Variants in YAP1 observed in about 807,000 individuals in gnomAD.
The protein encoded by YAP1 is transcriptional coactivator YAP1.
A neutral mutation model predicts 56.9 loss-of-function variants in YAP1; 5 were observed. The ratio of observed to expected loss-of-function variants is 0.09; its 90% CI spans 0.05 to 0.18. The LOEUF (loss-of-function observed/expected upper bound fraction) is 0.18. Among genes scored for constraint, YAP1 ranks in the 10% least tolerant of loss-of-function variants. The probability of loss-of-function intolerance (pLI) is 1.00; values close to 1 mark genes in which losing one functional copy is unlikely to be tolerated. For missense variants in YAP1, 539 were observed against 651.8 expected, an observed-to-expected ratio of 0.83 and a Z score of 1.88; for synonymous variants, 265 against 248.1, an observed-to-expected ratio of 1.07 and a Z score of -0.64.
intron 4 of YAP1, among the ~76,000 whole-genome samples, chr11:102,199,227 G>A (rs910059058): frequency 4.6e-5 from 7 of 152,130 alleles, no homozygotes; most frequent in Non-Finnish European, 1.0e-4. Flanking sequence ...TTGATGGTAC[G>A]GATGAGAAAA....
chr11:102,200,354 A>G (rs1000433792), intron 4 of YAP1, among the ~76,000 whole-genome samples: 1 of 152,170 alleles, frequency 6.6e-6, no homozygotes, highest in Non-Finnish European at 1.5e-5. Context: ...TAGTTTTTTA[A>G]TTAAAATGGG....
chr11:102,131,566 T>A (rs1286886385), intron 2 of YAP1, among the ~76,000 whole-genome samples: 1 of 152,238 alleles, frequency 6.6e-6, no homozygotes, highest in African/African-American at 2.4e-5. Flanking sequence ...GCAGATGACA[T>A]GCTATAGAGT....
chr11:102,221,305 C>T (rs548381363), intron 6 of YAP1, among the ~76,000 whole-genome samples: 117 of 152,084 alleles, frequency 7.7e-4, no homozygotes, highest in African/African-American at 2.7e-3. Flanking sequence ...GGTTCCCTCT[C>T]AGGACATTGG....
intron 4 of YAP1, among the ~76,000 whole-genome samples, chr11:102,197,409 G>A (rs965197757): frequency 2.0e-5 from 3 of 152,188 alleles, no homozygotes. Context: ...GTAATACATT[G>A]TTATAATCCA....
intron 2 of YAP1, among the ~76,000 whole-genome samples, chr11:102,156,612 ACT>A (rs1945962399): frequency 6.6e-6 from 1 of 152,130 alleles, no homozygotes; most frequent in Non-Finnish European, 1.5e-5. Context: ...TTCAGTTCAT[ACT>A]CTAATGACAT....
chr11:102,138,086 C>T (rs2135271815), intron 2 of YAP1, among the ~76,000 whole-genome samples: 1 of 152,260 alleles, frequency 6.6e-6, no homozygotes, highest in South Asian at 2.1e-4. Flanking sequence ...AGGGTTTCGC[C>T]ATGTTGGCCA....
chr11:102,119,557 A>G (rs1020231312), intron 2 of YAP1, among the ~76,000 whole-genome samples: 3 of 152,056 alleles, frequency 2.0e-5, no homozygotes, highest in Admixed American at 6.6e-5. Context: ...TCACATTTAA[A>G]AAAAAATACC....
chr11:102,135,117 C>T (rs753964724), intron 2 of YAP1, among the ~76,000 whole-genome samples: 3 of 152,126 alleles, frequency 2.0e-5, no homozygotes, highest in Admixed American at 6.5e-5. Flanking sequence ...GGTCTGCCCA[C>T]GTTAGCCTCC....
At chr11:102,123,943 C>CTT (rs540805146) in intron 2 of YAP1, among the ~76,000 whole-genome samples, 1 of 143,996 alleles carries the variant, frequency 6.9e-6, no homozygotes, top group South Asian at 2.2e-4. Flanking sequence ...TTTTCTTTTT[C>CTT]TTTTTTTTTT....
chr11:102,120,446 C>T (rs184461850), intron 2 of YAP1, among the ~76,000 whole-genome samples: 1 of 152,312 alleles, frequency 6.6e-6, no homozygotes, highest in East Asian at 1.9e-4. Context: ...GTGCAAATGG[C>T]AGTATCTATT....
rs375566282 is a variant in YAP1 at position 102,181,700 on chromosome 11, G to A, written c.689-4318G>A. Among the ~76,000 whole-genome samples, 13 of 152,308 alleles carry A rather than the reference G, an allele frequency of 8.5e-5. No individual in the cohort carries two copies. The East Asian group carries it at 1.2e-3, about 14-fold the overall frequency. ...CAGACGTGACTGTGTACTATTCCCA[G>A]ACCTGCATAGATTGATCTCCAAACT... On this transcript the variant is annotated intron_variant, in intron 3 of 8. Transcript: ENST00000282441.
At chr11:102,111,517 G>A (rs1942907546) in intron 1 of YAP1, among the ~76,000 whole-genome samples, 1 of 100,730 alleles carries the variant, frequency 9.9e-6, no homozygotes, top group Non-Finnish European at 2.1e-5. Flanking sequence ...GAAGGGGGTG[G>A]GGAAAAGTCG....
chr11:102,114,205 C>T lies in YAP1; in HGVS notation c.383C>T (p.Ser128Phe), dbSNP rs1192221094. 1 of 1,614,050 alleles carries T rather than the reference C, an allele frequency of 6.2e-7. No homozygotes were observed. Among genetic ancestry groups the T allele is most frequent in the Non-Finnish European group, 8.5e-7 (1 of 1,179,898 alleles). ...LTPQHVRAHS[S>F]PASLQLGAVS... ...CCACAGCATGTTCGAGCTCATTCCT[C>T]TCCAGCTTCTCTGCAGTTGGGAGCT... Residue 128 changes from serine to phenylalanine, a missense_variant, in exon 2 of 9, where the codon TCT (serine) becomes TTT (phenylalanine). This residue lies in a region of YAP1 where 414 missense variants were observed against 512.4 expected (regional missense o/e 0.81). Coordinates refer to ENST00000282441, the MANE Select transcript of YAP1 (RefSeq NM_001130145.3).
At chr11:102,117,859 T>C (rs750369224) in intron 2 of YAP1, among the ~76,000 whole-genome samples, 2 of 152,244 alleles carry the variant, frequency 1.3e-5, no homozygotes, top group Non-Finnish European at 2.9e-5. Context: ...AAAGAATTCA[T>C]TCTCTTTATG....
At chr11:102,125,040 AT>A (rs746473496) in intron 2 of YAP1, among the ~76,000 whole-genome samples, 691 of 141,244 alleles carry the variant, frequency 4.9e-3, no homozygotes, top group Middle Eastern at 0.015. Flanking sequence ...GCCTAGCCAG[AT>A]TTTTTTTTTT....
chr11:102,159,791 T>A (rs1318273719), intron 2 of YAP1, among the ~76,000 whole-genome samples: 1 of 152,188 alleles, frequency 6.6e-6, no homozygotes, highest in Non-Finnish European at 1.5e-5. Flanking sequence ...GAGCTGGGAT[T>A]GTAATATACA....
intron 7 of YAP1, among the ~76,000 whole-genome samples, chr11:102,226,473 A>G (rs1402689474): frequency 6.6e-6 from 1 of 152,194 alleles, no homozygotes; most frequent in Non-Finnish European, 1.5e-5. Flanking sequence ...TTAAATGTAC[A>G]AGCCGTAGAG....
chr11:102,122,895 C>CA (rs56934997), intron 2 of YAP1, among the ~76,000 whole-genome samples: 35 of 79,412 alleles, frequency 4.4e-4, no homozygotes, highest in South Asian at 8.9e-4. Context: ...AGACTTCTCT[C>CA]AAAAAAAAAA....
At chr11:102,115,454 C>T (rs533689191) in intron 2 of YAP1, among the ~76,000 whole-genome samples, 4 of 152,126 alleles carry the variant, frequency 2.6e-5, no homozygotes, top group African/African-American at 4.8e-5. Flanking sequence ...TATTGATTGT[C>T]TTCCAGGGTG....
Sources: allele counts gnomAD v4.1 joint callset (sites outside exome capture counted in the v4.1 genomes callset), GRCh38; gene constraint gnomAD v4.1.1; regional missense constraint gnomAD v4.1.1; transcripts MANE v1.5; gene names NCBI Gene and HGNC (gene_info 2026-07-23, HGNC 2026-07-21).